The following RBM47 variants were observed in gnomAD, a reference collection of about 807,000 sequenced individuals.
RBM47 encodes RNA binding motif protein 47.
A neutral mutation model predicts 47.1 loss-of-function variants in RBM47; 21 were observed. That is an observed-to-expected ratio of 0.45 (90% CI 0.32 to 0.64). The LOEUF (loss-of-function observed/expected upper bound fraction) is 0.64. Among genes scored for constraint, RBM47 ranks in the 30% least tolerant of loss-of-function variants. The probability of loss-of-function intolerance (pLI) is 0.05; values close to 1 mark genes in which losing one functional copy is unlikely to be tolerated. For synonymous variants in RBM47, 375 were observed against 361.7 expected, an observed-to-expected ratio of 1.04 and a Z score of -0.42; for missense variants, 708 against 870.9, an observed-to-expected ratio of 0.81 and a Z score of 2.35.
chr4:40,550,157 C>T (rs1182255998), intron 1 of RBM47, among the ~76,000 whole-genome samples: 1 of 152,110 alleles, frequency 6.6e-6, no homozygotes, highest in African/African-American at 2.4e-5. Context: ...GCATCTCTCC[C>T]GAATTCTCAC....
chr4:40,526,602 C>A (rs936485696), intron 2 of RBM47, among the ~76,000 whole-genome samples: 1 of 151,868 alleles, frequency 6.6e-6, no homozygotes, highest in Non-Finnish European at 1.5e-5. Context: ...GAGACAGGAT[C>A]TCCCTCTGTC....
chr4:40,490,369 A>C (rs1196848559), intron 2 of RBM47, among the ~76,000 whole-genome samples: 1 of 152,204 alleles, frequency 6.6e-6, no homozygotes, highest in Non-Finnish European at 1.5e-5. Context: ...TGACGTAGTC[A>C]ATTACATGTA....
intron 1 of RBM47, among the ~76,000 whole-genome samples, chr4:40,593,147 A>C (rs1734410824): frequency 6.8e-6 from 1 of 148,000 alleles, no homozygotes; most frequent in Non-Finnish European, 1.5e-5. Context: ...GGCGCCCGCG[A>C]CCACGCCAGG....
intron 1 of RBM47, among the ~76,000 whole-genome samples, chr4:40,563,508 T>A (rs1265653615): frequency 6.6e-6 from 1 of 152,200 alleles, no homozygotes; most frequent in African/African-American, 2.4e-5. Context: ...ACCTTAGATA[T>A]CAGCTAGTTG....
At chr4:40,471,760 C>T (rs1718908449) in intron 2 of RBM47, among the ~76,000 whole-genome samples, 1 of 151,884 alleles carries the variant, frequency 6.6e-6, no homozygotes, top group African/African-American at 2.4e-5. Flanking sequence ...CCTCCCATTG[C>T]CCTTAGACTA....
Position 40,535,371 on chromosome 4 carries a change from C to CTTTTTTTTTTTTTTTTTTTCTTTT in RBM47, c.-155+9050_-155+9051insAAAAGAAAAAAAAAAAAAAAAAAA, listed in dbSNP as rs1177127352. On this transcript the variant is annotated intron_variant, in intron 2 of 6. Coordinates refer to ENST00000295971, the MANE Select transcript of RBM47 (RefSeq NM_001098634.2). ...TTCATACCAGCCTGGTATGGTATTT[C>CTTTTTTTTTTTTTTTTTTTCTTTT]TTTTTTTTTTTTTTTTTTTGAGACG... 3.6e-4 allele frequency among the ~76,000 whole-genome samples: 37 copies of CTTTTTTTTTTTTTTTTTTTCTTTT among 103,422 alleles called. 1 individual carries two copies. Among genetic ancestry groups the CTTTTTTTTTTTTTTTTTTTCTTTT allele is most frequent in the East Asian group, 2.2e-3 (7 of 3,222 alleles). The allele number at this position is 103,422 out of a possible 152,430, so 67.8% of individuals were successfully genotyped here. A position where few individuals can be genotyped will look rare whatever the true frequency, so the allele number is the denominator to read the frequency against.
chr4:40,456,270 A>C lies in RBM47; in HGVS notation c.-32+10307T>G, dbSNP rs911172329. ...TATTACAATTACTGAAGCAGGTTTA[A>C]GAGAGAAACCCGGGCATAATATTCT... On this transcript the variant is annotated intron_variant, in intron 3 of 6. Coordinates refer to ENST00000295971, the MANE Select transcript of RBM47 (RefSeq NM_001098634.2). 9.3e-4 allele frequency among the ~76,000 whole-genome samples: 141 copies of C among 152,364 alleles called. 1 individual carries two copies. In the Middle Eastern group the frequency reaches 0.01, roughly 11 times the overall value.
intron 2 of RBM47, among the ~76,000 whole-genome samples, chr4:40,472,707 A>AAT (rs1186167583): frequency 6.6e-6 from 1 of 152,084 alleles, no homozygotes; most frequent in Non-Finnish European, 1.5e-5. Flanking sequence ...TAGTAAGTGT[A>AAT]ATATATATAT....
intron 1 of RBM47, among the ~76,000 whole-genome samples, chr4:40,577,334 T>C (rs1732436006): frequency 1.3e-5 from 2 of 152,152 alleles, no homozygotes; most frequent in Admixed American, 6.5e-5. Context: ...CCACAGGGAC[T>C]TCCTCAAACT....
chr4:40,446,781 T>TA (rs563328145), intron 3 of RBM47, among the ~76,000 whole-genome samples: 144 of 139,242 alleles, frequency 1.0e-3, no homozygotes, highest in South Asian at 8.0e-3. Flanking sequence ...CAATAAAACT[T>TA]AAAAAAAAAA....
chr4:40,583,499 A>C (rs1733193970), intron 1 of RBM47, among the ~76,000 whole-genome samples: 1 of 151,820 alleles, frequency 6.6e-6, no homozygotes, highest in Non-Finnish European at 1.5e-5. Flanking sequence ...TCAGGAGTTC[A>C]ACACTAGCCT....
At chr4:40,517,295 T>G (rs1162455712) in intron 2 of RBM47, among the ~76,000 whole-genome samples, 16 of 152,096 alleles carry the variant, frequency 1.1e-4, no homozygotes, top group Non-Finnish European at 1.6e-4. Flanking sequence ...CCACCACACC[T>G]GGCTAATTTC....
At chr4:40,502,818 C>T (rs1315543148) in intron 2 of RBM47, among the ~76,000 whole-genome samples, 1 of 151,862 alleles carries the variant, frequency 6.6e-6, no homozygotes, top group Non-Finnish European at 1.5e-5. Flanking sequence ...TGTACTCCAG[C>T]CTGGGTTGAG....
chr4:40,498,669 T>TA (rs1722959841), intron 2 of RBM47, among the ~76,000 whole-genome samples: 1 of 53,646 alleles, frequency 1.9e-5, no homozygotes. Context: ...AGACTCCATC[T>TA]CAAAAAAAAA....
intron 1 of RBM47, among the ~76,000 whole-genome samples, chr4:40,618,728 G>C (rs1736969482): frequency 7.2e-6 from 1 of 139,070 alleles, no homozygotes; most frequent in Non-Finnish European, 1.5e-5. Flanking sequence ...AAAGTTGCTT[G>C]AACCTGGGAG....
At chr4:40,493,439 G>C (rs1003167767) in intron 2 of RBM47, among the ~76,000 whole-genome samples, 1 of 152,138 alleles carries the variant, frequency 6.6e-6, no homozygotes, top group Admixed American at 6.6e-5. Flanking sequence ...AGTGCTCAAA[G>C]AATGTGAAAT....
chr4:40,570,915 A>G (rs1162560357), intron 1 of RBM47, among the ~76,000 whole-genome samples: 1 of 152,002 alleles, frequency 6.6e-6, no homozygotes, highest in East Asian at 1.9e-4. Flanking sequence ...ACACCTACAT[A>G]CGAAAATAAA....
intron 1 of RBM47, among the ~76,000 whole-genome samples, chr4:40,581,450 A>AAAT (rs1553904692): frequency 2.0e-5 from 3 of 149,154 alleles, no homozygotes; most frequent in Non-Finnish European, 3.0e-5. Context: ...ATAAATAAAT[A>AAAT]AATAAATAAA....
intron 1 of RBM47, among the ~76,000 whole-genome samples, chr4:40,587,325 G>C (rs1733687043): frequency 6.6e-6 from 1 of 152,108 alleles, no homozygotes; most frequent in South Asian, 2.1e-4. Flanking sequence ...GTAGTGCTCA[G>C]GGAGGAACTG....
Sources: allele counts gnomAD v4.1 joint callset (sites outside exome capture counted in the v4.1 genomes callset), GRCh38; gene constraint gnomAD v4.1.1; transcripts MANE v1.5; gene names NCBI Gene and HGNC (gene_info 2026-07-23, HGNC 2026-07-21).